Variants in SGCD observed in about 807,000 individuals in gnomAD.
The protein encoded by SGCD is delta-sarcoglycan.
SGCD carries 18 observed loss-of-function variants against 36.6 expected under a neutral mutation model. The observed-to-expected ratio is 0.49, with a 90% CI of 0.34 to 0.73. SGCD has a LOEUF of 0.73. SGCD is among the 30% of genes least tolerant of loss of function. SGCD has a pLI of 0.01. For missense variants in SGCD, 387 were observed against 346.7 expected (o/e 1.12, Z -0.92); for synonymous variants, 133 against 130.6 (o/e 1.02, Z -0.12).
intron 2 of SGCD, among the ~76,000 whole-genome samples, chr5:156,341,478 C>T (rs949428899): frequency 2.0e-5 from 3 of 152,026 alleles, no homozygotes; most frequent in Non-Finnish European, 2.9e-5. Flanking sequence ...CACAATGTTC[C>T]ACCCTGAGCT....
At position 156,357,904 on chromosome 5, in the gene SGCD, G is replaced by A. The variant is rs559552711; in HGVS notation, c.192+13227G>A. ...CCAACTTTAGAATAAATAAGAATGA[G>A]CAATGGATAACAGAACTCGGCAACA... On this transcript the variant is annotated intron_variant, in intron 3 of 8. Coordinates refer to ENST00000337851, the MANE Select transcript of SGCD (RefSeq NM_000337.6). 1.3e-4 allele frequency among the ~76,000 whole-genome samples: 20 copies of A among 152,248 alleles called. No individual in the cohort carries two copies. The South Asian group carries it at 4.1e-3, about 32-fold the overall frequency.
At chr5:155,822,317 C>T in the SGCD span, among the ~76,000 whole-genome samples, 1 of 152,188 alleles carries the variant, frequency 6.6e-6, no homozygotes, top group East Asian at 1.9e-4. Flanking sequence ...CCTCTTGCCC[C>T]CAGCTGAATC....
rs2113210540 is a variant in SGCD, at chr5:156,765,863, G to C, written c.*6473G>C. On this transcript the variant is annotated 3_prime_UTR_variant, in exon 9 of 9. Coordinates refer to ENST00000337851, the MANE Select transcript of SGCD (RefSeq NM_000337.6). Reference sequence around the variant, plus strand: ...GTTTTAAACTAGATCTTCCTTGGTAGATGAAGCTATAGAACTTCTATTTTC... The same window carrying C: ...GTTTTAAACTAGATCTTCCTTGGTACATGAAGCTATAGAACTTCTATTTTC... The C allele has an allele frequency of 6.6e-6, 1 of 152,276 alleles. No homozygotes were observed. Among genetic ancestry groups the C allele is most frequent in the African/African-American group, 2.4e-5 (1 of 41,544 alleles). 9.4% of individuals were successfully genotyped at this position (152,276 alleles called of 1,614,324 possible).
chr5:156,561,122 C>T (rs1476921667), intron 4 of SGCD, among the ~76,000 whole-genome samples: 3 of 152,016 alleles, frequency 2.0e-5, no homozygotes, highest in South Asian at 2.1e-4. Context: ...AGAGACGTAC[C>T]TTTCTATAAT....
Position 156,016,010 on chromosome 5 carries a change from AC to A in SGCD, c.-281-101866del, listed in dbSNP as rs541717802. 7.9e-5 allele frequency among the ~76,000 whole-genome samples: 12 copies of A among 152,010 alleles called. No individual in the cohort carries two copies. The South Asian group carries it at 2.5e-3, about 32-fold the overall frequency. On this transcript the variant is annotated intron_variant, in intron 1 of 9. Transcript: ENST00000517913. ...ATCACTGATGTCTTAAAATACAATA[AC>A]CTGACCTTTAAAACAAAACAGAAAA...
At chr5:156,696,999 T>C (rs1452712717) in intron 7 of SGCD, among the ~76,000 whole-genome samples, 1 of 151,462 alleles carries the variant, frequency 6.6e-6, no homozygotes, top group African/African-American at 2.4e-5. Flanking sequence ...TCCAGACGCT[T>C]GAGTGTCTGG....
intron 6 of SGCD, among the ~76,000 whole-genome samples, chr5:156,597,765 G>T (rs201063163): frequency 7.6e-4 from 63 of 83,374 alleles, no homozygotes; most frequent in Non-Finnish European, 1.4e-3. Flanking sequence ...TTTTATAAAA[G>T]GTCTATTGAT....
intron 7 of SGCD, among the ~76,000 whole-genome samples, chr5:156,657,443 G>C (rs1763736681): frequency 7.7e-6 from 1 of 129,232 alleles, no homozygotes; most frequent in Non-Finnish European, 1.5e-5. Context: ...TCCCCTTCCT[G>C]TGTCCATGTG....
At chr5:156,675,949 A>G (rs1214244565) in intron 7 of SGCD, among the ~76,000 whole-genome samples, 2 of 152,146 alleles carry the variant, frequency 1.3e-5, no homozygotes, top group East Asian at 3.9e-4. Flanking sequence ...AAATCTCAGA[A>G]ACAAGACGCC....
chr5:156,757,798 T>C (rs1228611565), intron 8 of SGCD, 94 bp downstream of exon 8: 4 of 1,440,612 alleles, frequency 2.8e-6, no homozygotes, highest in Non-Finnish European at 2.7e-6. Context: ...GATCCTACAG[T>C]GTATCAACAA....
intron 4 of SGCD, among the ~76,000 whole-genome samples, chr5:156,527,291 CAT>C (rs1052124593): frequency 2.0e-5 from 3 of 151,944 alleles, no homozygotes; most frequent in Non-Finnish European, 4.4e-5. Context: ...AGAAAAAAAA[CAT>C]AAACTATAAT....
intron 3 of SGCD, among the ~76,000 whole-genome samples, chr5:156,172,954 A>G (rs1018745947): frequency 6.6e-6 from 1 of 152,124 alleles, no homozygotes; most frequent in African/African-American, 2.4e-5. Flanking sequence ...TTTGGTTTGT[A>G]AGAGTAAAAT....
chr5:156,307,366 C>T (rs1329701847), intron 3 of SGCD, among the ~76,000 whole-genome samples: 5 of 152,184 alleles, frequency 3.3e-5, no homozygotes, highest in Middle Eastern at 3.4e-3. Flanking sequence ...AAAATGTCAA[C>T]GTATTTGTGT....
chr5:155,812,145 C>A, the SGCD span, among the ~76,000 whole-genome samples: 1 of 152,156 alleles, frequency 6.6e-6, no homozygotes, highest in Non-Finnish European at 1.5e-5. Context: ...GGGAGTATGC[C>A]TTAACCCTAA....
chr5:156,706,011 A>C (rs1410532349), intron 7 of SGCD, among the ~76,000 whole-genome samples: 2 of 152,196 alleles, frequency 1.3e-5, no homozygotes, highest in Non-Finnish European at 2.9e-5. Flanking sequence ...TTCTAAGGTA[A>C]AAGTCACTTG....
intron 3 of SGCD, among the ~76,000 whole-genome samples, chr5:156,491,608 A>G (rs1755941929): frequency 6.6e-6 from 1 of 152,160 alleles, no homozygotes; most frequent in African/African-American, 2.4e-5. Context: ...ATCAATGAAA[A>G]TTTTTTAAAA....
At chr5:156,577,929 C>T (rs1172343315) in intron 4 of SGCD, among the ~76,000 whole-genome samples, 1 of 152,152 alleles carries the variant, frequency 6.6e-6, no homozygotes, top group East Asian at 1.9e-4. Flanking sequence ...CCTGATTGCC[C>T]TGGCCAGAAC....
chr5:156,670,668 AT>A (rs576640913), intron 7 of SGCD, among the ~76,000 whole-genome samples: 1 of 152,246 alleles, frequency 6.6e-6, no homozygotes, highest in South Asian at 2.1e-4. Context: ...TTTTTTAAAA[AT>A]ATCAGCCAAA....
intron 3 of SGCD, among the ~76,000 whole-genome samples, chr5:156,173,545 G>C (rs1581146429): frequency 6.6e-6 from 1 of 152,112 alleles, no homozygotes. Flanking sequence ...GGGAAAAAAA[G>C]AGAGAATAAA....
Sources: allele counts gnomAD v4.1 joint callset (sites outside exome capture counted in the v4.1 genomes callset), GRCh38; gene constraint gnomAD v4.1.1; transcripts MANE v1.5; gene names NCBI Gene and HGNC (gene_info 2026-07-23, HGNC 2026-07-21).